The following TCERG1L variants were observed in gnomAD, a reference collection of about 807,000 sequenced individuals.
The protein encoded by TCERG1L is transcription elongation regulator 1 like, also known as transcription elongation regulator 1-like protein.
In TCERG1L, 37 loss-of-function variants were observed where a neutral mutation model predicts 56.3. The observed-to-expected ratio is 0.66, with a 90% CI of 0.51 to 0.87. The LOEUF (loss-of-function observed/expected upper bound fraction) is 0.87, where lower values mean the gene tolerates loss of function less well. Among genes scored for constraint, TCERG1L ranks in the 40% least tolerant of loss-of-function variants. TCERG1L has a pLI of 0.00. For synonymous variants in TCERG1L, 324 were observed against 326.3 expected, an observed-to-expected ratio of 0.99 and a Z score of 0.08; for missense variants, 799 against 774.2, an observed-to-expected ratio of 1.03 and a Z score of -0.38.
intron 3 of TCERG1L, among the ~76,000 whole-genome samples, chr10:131,269,535 C>T (rs1846317696): frequency 6.6e-6 from 1 of 151,928 alleles, no homozygotes; most frequent in Non-Finnish European, 1.5e-5. Flanking sequence ...AGAGGGAGGC[C>T]CAAGGAGAGG....
At chr10:131,119,998 G>A (rs1402708163) in intron 8 of TCERG1L, among the ~76,000 whole-genome samples, 1 of 152,172 alleles carries the variant, frequency 6.6e-6, no homozygotes, top group Non-Finnish European at 1.5e-5. Context: ...GGGCACCATA[G>A]CCCTGGGCGG....
At chr10:131,196,360 C>A (rs1048268922) in intron 4 of TCERG1L, among the ~76,000 whole-genome samples, 1 of 152,160 alleles carries the variant, frequency 6.6e-6, no homozygotes, top group African/African-American at 2.4e-5. Context: ...TGACCCTGTG[C>A]ATTTGCAGGG....
chr10:131,173,402 A>G (rs577149841), intron 4 of TCERG1L, among the ~76,000 whole-genome samples: 2 of 152,164 alleles, frequency 1.3e-5, no homozygotes, highest in Non-Finnish European at 2.9e-5. Context: ...GAAAAATTTG[A>G]TAATAAAATA....
chr10:131,183,267 T>C (rs1845200189), intron 4 of TCERG1L, among the ~76,000 whole-genome samples: 1 of 152,234 alleles, frequency 6.6e-6, no homozygotes, highest in African/African-American at 2.4e-5. Context: ...TTAATGACTA[T>C]TTCTTTGTTT....
chr10:131,268,768 A>G (rs958408682), intron 3 of TCERG1L, among the ~76,000 whole-genome samples: 2 of 152,202 alleles, frequency 1.3e-5, no homozygotes, highest in Non-Finnish European at 2.9e-5. Flanking sequence ...GTTAGCTTCA[A>G]ACTTTTCTTC....
intron 4 of TCERG1L, among the ~76,000 whole-genome samples, chr10:131,218,546 T>C (rs1334595174): frequency 2.0e-5 from 3 of 152,122 alleles, no homozygotes; most frequent in Admixed American, 6.5e-5. Flanking sequence ...CAGGCTGGAG[T>C]GCAATGGTGC....
intron 6 of TCERG1L, among the ~76,000 whole-genome samples, chr10:131,153,456 A>G (rs1845885522): frequency 6.6e-6 from 1 of 152,168 alleles, no homozygotes; most frequent in Non-Finnish European, 1.5e-5. Context: ...TGTGTTCCAG[A>G]GTCCTCGTGG....
chr10:131,138,727 T>C (rs901712746), intron 7 of TCERG1L, among the ~76,000 whole-genome samples: 7 of 152,156 alleles, frequency 4.6e-5, no homozygotes, highest in Non-Finnish European at 8.8e-5. Flanking sequence ...GTTTCTGCTA[T>C]GGGTGAGAAA....
intron 3 of TCERG1L, among the ~76,000 whole-genome samples, chr10:131,299,991 T>G (rs1299968692): frequency 6.6e-6 from 1 of 152,178 alleles, no homozygotes; most frequent in Admixed American, 6.5e-5. Context: ...GCACTCTTCT[T>G]TTGTGTAGAG....
In TCERG1L at chr10:131,241,359, G is replaced by A. The variant is rs140679784; in HGVS notation, c.856+18900C>T. The stretch of plus-strand genomic sequence containing the variant: ...GAGAAAAGAATAAGAGACAGGGAGG[G>A]ATGACTCCTGATGCCCGGGAACCTG... On this transcript the variant is annotated intron_variant, in intron 4 of 11. Coordinates refer to ENST00000368642, the MANE Select transcript of TCERG1L (RefSeq NM_174937.4). Among the ~76,000 whole-genome samples, 661 of 152,256 alleles carry A rather than the reference G, an allele frequency of 4.3e-3. 8 individuals carry two copies. The highest frequency in any genetic ancestry group is 0.015 in the African/African-American group (626 of 41,540).
At chr10:131,208,462 G>A (rs11017818) in intron 4 of TCERG1L, among the ~76,000 whole-genome samples, 23,969 of 152,136 alleles carry the variant, frequency 0.16, 1,978 homozygotes, top group East Asian at 0.25. Flanking sequence ...GAGAACGCCC[G>A]GTTCACAGGC....
chr10:131,229,925 T>C (rs1276987051), intron 4 of TCERG1L, among the ~76,000 whole-genome samples: 2 of 152,198 alleles, frequency 1.3e-5, no homozygotes, highest in Non-Finnish European at 2.9e-5. Flanking sequence ...TTTGTTTCAC[T>C]GCACTTCTCC....
intron 9 of TCERG1L, among the ~76,000 whole-genome samples, chr10:131,109,279 C>T (rs1400265090): frequency 3.3e-5 from 5 of 152,194 alleles, no homozygotes; most frequent in Non-Finnish European, 5.9e-5. Flanking sequence ...AGTTTGTGAT[C>T]CACCCCCTTC....
intron 4 of TCERG1L, among the ~76,000 whole-genome samples, chr10:131,233,342 C>A (rs1845872508): frequency 6.6e-6 from 1 of 152,076 alleles, no homozygotes; most frequent in African/African-American, 2.4e-5. Context: ...CATGTATTTC[C>A]TCTTTTTTGG....
At chr10:131,198,983 G>C (rs1011870759) in intron 4 of TCERG1L, among the ~76,000 whole-genome samples, 3 of 152,222 alleles carry the variant, frequency 2.0e-5, no homozygotes, top group African/African-American at 7.2e-5. Flanking sequence ...CGGCTGATGA[G>C]TGCTGGGTCA....
intron 4 of TCERG1L, among the ~76,000 whole-genome samples, chr10:131,176,719 G>C (rs1410578671): frequency 7.0e-6 from 1 of 143,260 alleles, no homozygotes; most frequent in Non-Finnish European, 1.5e-5. Context: ...CACCCACAGA[G>C]ATAGGCACAT....
chr10:131,262,292 A>G (rs1846243867), intron 3 of TCERG1L, among the ~76,000 whole-genome samples: 1 of 152,140 alleles, frequency 6.6e-6, no homozygotes, highest in East Asian at 1.9e-4. Context: ...CATACCCTAT[A>G]GAGTCCCTAT....
At chr10:131,219,592 C>G (rs1845707809) in intron 4 of TCERG1L, among the ~76,000 whole-genome samples, 1 of 152,186 alleles carries the variant, frequency 6.6e-6, no homozygotes, top group Non-Finnish European at 1.5e-5. Context: ...TGCAAGGAGG[C>G]TACCTCCTCA....
At chr10:131,100,922 C>G (rs1024413551) in intron 10 of TCERG1L, among the ~76,000 whole-genome samples, 5 of 152,220 alleles carry the variant, frequency 3.3e-5, no homozygotes, top group African/African-American at 4.8e-5. Context: ...TCTGAGCGCT[C>G]TCTGGACCCT....
Sources: allele counts gnomAD v4.1 joint callset (sites outside exome capture counted in the v4.1 genomes callset), GRCh38; gene constraint gnomAD v4.1.1; transcripts MANE v1.5; gene names NCBI Gene and HGNC (gene_info 2026-07-23, HGNC 2026-07-21).